Variants in GAK observed in about 807,000 individuals in gnomAD.
GAK encodes the protein cyclin-G-associated kinase.
In GAK, 79 loss-of-function variants were observed where a neutral mutation model predicts 143.9. The ratio of observed to expected loss-of-function variants is 0.55; its 90% CI spans 0.46 to 0.66. GAK has a LOEUF of 0.66. GAK is among the 30% of genes least tolerant of loss of function. The pLI is 0.00. For missense variants in GAK, 1,693 were observed against 1,779.7 expected (o/e 0.95, Z 0.88); for synonymous variants, 881 against 765.5 (o/e 1.15, Z -2.49).
intron 15 of GAK, among the ~76,000 whole-genome samples, chr4:879,831 C>T (rs897612363): frequency 6.6e-6 from 1 of 152,222 alleles, no homozygotes; most frequent in African/African-American, 2.4e-5. Context: ...CTCTTGGGTG[C>T]TTGTTCTACC....
At chr4:917,918 T>A (rs1237054714) in intron 1 of GAK, among the ~76,000 whole-genome samples, 1 of 152,164 alleles carries the variant, frequency 6.6e-6, no homozygotes, top group Admixed American at 6.5e-5. Flanking sequence ...CTAAATTACA[T>A]CAAACACTTA....
intron 15 of GAK, among the ~76,000 whole-genome samples, chr4:880,929 G>C (rs1222800938): frequency 1.3e-5 from 2 of 152,314 alleles, no homozygotes; most frequent in South Asian, 4.1e-4. Flanking sequence ...ACCTGGCCTG[G>C]GGGTGCCAAT....
chr4:886,969 C>G (rs988656677), intron 11 of GAK: 3 of 152,550 alleles, frequency 2.0e-5, no homozygotes, highest in Non-Finnish European at 2.9e-5. Context: ...AATGGAACCA[C>G]ACAGCCAAAC....
At chr4:869,881 A>G (rs1712137327) in intron 19 of GAK, 1 of 152,100 alleles carries the variant, frequency 6.6e-6, no homozygotes, top group Admixed American at 6.6e-5. Context: ...GAATGCACGC[A>G]CACAGATGCA....
intron 23 of GAK, among the ~76,000 whole-genome samples, chr4:863,182 C>T (rs1750596984): frequency 6.6e-6 from 1 of 152,230 alleles, no homozygotes; most frequent in African/African-American, 2.4e-5. Context: ...TTGAAGACTT[C>T]AGTGCAGGAA....
chr4:918,119 A>G (rs1723350281), intron 1 of GAK, among the ~76,000 whole-genome samples: 1 of 152,260 alleles, frequency 6.6e-6, no homozygotes, highest in South Asian at 2.1e-4. Flanking sequence ...CCAGCAAAAC[A>G]TAATAAGGAT....
chr4:881,545 TCTGAG>T (rs1194292321), intron 15 of GAK, among the ~76,000 whole-genome samples: 1 of 152,112 alleles, frequency 6.6e-6, no homozygotes, highest in African/African-American at 2.4e-5. Context: ...TGTACTCATG[TCTGAG>T]CAGCGTCAGG....
chr4:851,246 C>T (rs956885631), intron 25 of GAK, 162 bp from the exon 26 acceptor site: 21 of 559,120 alleles, frequency 3.8e-5, no homozygotes, highest in East Asian at 6.4e-5. Context: ...CACAGGCATG[C>T]GCCACCATGC....
chr4:868,631 G>A lies in GAK; in HGVS notation c.2303C>T (p.Ala768Val). ...PGSTAQYDAG[A>V]GSPEAEPTDS... ...TGTGGGTTCGGCTTCCGGGGACCCT[G>A]CCCCAGCATCATACTGAGCCGTGGA... The change falls in exon 20 of 28, where the codon GCA (alanine) becomes GTA (valine). Residue 768 changes from alanine to valine, a missense_variant. Transcript: ENST00000314167. The A allele has an allele frequency of 6.4e-7, 1 of 1,572,208 alleles. No homozygotes were observed. Among genetic ancestry groups the A allele is most frequent in the South Asian group, 1.2e-5 (1 of 85,888 alleles).
At chr4:884,777 C>G (rs1199547978) in intron 11 of GAK, among the ~76,000 whole-genome samples, 1 of 152,202 alleles carries the variant, frequency 6.6e-6, no homozygotes, top group Non-Finnish European at 1.5e-5. Flanking sequence ...CAGAAGGGAG[C>G]CTCCCTCCCA....
In GAK at chr4:849,380, T is replaced by A. The variant is rs1014274548; in HGVS notation, c.*293A>T. 6 of 469,856 alleles carry A rather than the reference T, an allele frequency of 1.3e-5. No homozygotes were observed. The highest frequency in any genetic ancestry group is 1.2e-4 in the African/African-American group (6 of 51,320). The allele number at this position is 469,856 out of a possible 1,614,324, so 29.1% of individuals were successfully genotyped here. On this transcript the variant is annotated 3_prime_UTR_variant, in exon 28 of 28. Transcript: ENST00000314167. ...AGCGCCAGCAGCGTGGCCCACCACG[T>A]GCCGGGGCTCCAGAGGCCACGCCCG...
chr4:882,952 G>A lies in GAK; in HGVS notation c.1405-133C>T, dbSNP rs887565183. ...GTCATGAACAGGCGTCCACCTGCGC[G>A]AGACCTGAGCACCAGGGCTGCCACT... is the stretch of plus-strand genomic sequence containing the variant. On this transcript the variant is annotated intron_variant, in intron 13 of 27. Coordinates refer to ENST00000314167, the MANE Select transcript of GAK (RefSeq NM_005255.4). 7.8e-6 allele frequency: 9 copies of A among 1,149,918 alleles called. No individual in the cohort carries two copies. The East Asian group carries it at 1.0e-4, about 13-fold the overall frequency. 71.2% of individuals were successfully genotyped at this position (1,149,918 alleles called of 1,614,324 possible).
Position 893,242 on chromosome 4 carries a change from C to T in GAK, c.990+135G>A, listed in dbSNP as rs576812884. 1.7e-5 allele frequency: 10 copies of T among 577,060 alleles called. No individual in the cohort carries two copies. In the African/African-American group the frequency reaches 1.8e-4, roughly 10 times the overall value. 35.7% of individuals were successfully genotyped at this position (577,060 alleles called of 1,614,324 possible). On this transcript the variant is annotated intron_variant, in intron 9 of 27. Coordinates refer to ENST00000314167, the MANE Select transcript of GAK (RefSeq NM_005255.4). ...CCTCTGTGATAGGAGACTTAGGGTTCACGTGTGCCTCCCTCCCTTCTGCAG... is the reference window on the plus strand; with the variant it reads ...CCTCTGTGATAGGAGACTTAGGGTTTACGTGTGCCTCCCTCCCTTCTGCAG...
intron 4 of GAK, among the ~76,000 whole-genome samples, chr4:907,860 C>T (rs561032428): frequency 1.3e-5 from 2 of 152,314 alleles, no homozygotes; most frequent in South Asian, 4.1e-4. Flanking sequence ...AGGCAGTCCC[C>T]AGGAGTGAGC....
chr4:856,601 G>GCTGCCCACCACAGGTGCTCACAC (rs1749306064), intron 24 of GAK, among the ~76,000 whole-genome samples: 1 of 99,050 alleles, frequency 1.0e-5, no homozygotes, highest in South Asian at 4.1e-4. Flanking sequence ...GGTGCTCACA[G>GCTGCCCACCACAGGTGCTCACAC]CTGCTCACCA....
At chr4:884,406 T>C (rs1342992704) in intron 11 of GAK, 3 of 316,872 alleles carry the variant, frequency 9.5e-6, no homozygotes, top group Non-Finnish European at 1.8e-5. Context: ...AGGAGTGGGC[T>C]GGGAGAGGGA....
intron 4 of GAK, among the ~76,000 whole-genome samples, chr4:909,517 C>A (rs537607502): frequency 6.6e-5 from 10 of 152,224 alleles, no homozygotes; most frequent in Non-Finnish European, 8.8e-5. Context: ...CGGGAGGGGC[C>A]GGGAGCGGCG....
At chr4:885,322 T>A (rs1029690095) in intron 11 of GAK, among the ~76,000 whole-genome samples, 1 of 152,178 alleles carries the variant, frequency 6.6e-6, no homozygotes, top group Non-Finnish European at 1.5e-5. Context: ...ATGCCTGTAA[T>A]CTCAGCACTT....
chr4:895,638 C>T (rs983811582), intron 7 of GAK, among the ~76,000 whole-genome samples: 1 of 152,246 alleles, frequency 6.6e-6, no homozygotes, highest in Non-Finnish European at 1.5e-5. Flanking sequence ...ACTGCCGCAC[C>T]TGGTGGCTGA....
Sources: gnomAD v4.1 joint callset for allele counts (sites outside exome capture counted in the v4.1 genomes callset) on GRCh38, gnomAD v4.1.1 for gene constraint, MANE v1.5 for transcripts, NCBI Gene and HGNC (gene_info 2026-07-23, HGNC 2026-07-21) for gene names.